Variants in BTN2A1 observed in about 807,000 individuals in gnomAD.
BTN2A1 encodes butyrophilin, subfamily 2, member A1.
In BTN2A1, 41 loss-of-function variants were observed where a neutral mutation model predicts 34.5. The ratio of observed to expected loss-of-function variants is 1.19; its 90% CI spans 0.93 to 1.54. BTN2A1 has a LOEUF of 1.54. Among genes scored for constraint, BTN2A1 ranks in the 40% most tolerant of loss-of-function variants. The pLI is 0.00. For synonymous variants in BTN2A1, 267 were observed against 258.6 expected (o/e 1.03, Z -0.31); for missense variants, 642 against 662.0 (o/e 0.97, Z 0.33).
chr6:26,465,490 A>G, intron 5 of BTN2A1, 84 bp downstream of exon 5: 1 of 1,290,794 alleles, frequency 7.7e-7, no homozygotes. Context: ...TGAGCCCTGG[A>G]GTTCGAGACC....
chr6:26,462,832 C>T, intron 3 of BTN2A1: 3 of 1,282,178 alleles, frequency 2.3e-6, no homozygotes, highest in Non-Finnish European at 3.1e-6. Context: ...AGAAGTCGTC[C>T]CAGAAGCAGA....
At chr6:26,475,910 A>T (rs1489670627) in intron 7 of BTN2A1, among the ~76,000 whole-genome samples, 1 of 152,196 alleles carries the variant, frequency 6.6e-6, no homozygotes, top group Non-Finnish European at 1.5e-5. Flanking sequence ...TTAAATTTAC[A>T]TGAATCCAGT....
chr6:26,460,493 T>C (rs2893856), intron 3 of BTN2A1, among the ~76,000 whole-genome samples: 133,494 of 152,256 alleles, frequency 0.88, 58,712 homozygotes, highest in African/African-American at 0.95. Flanking sequence ...CTACGAATTT[T>C]GCTGGGAGGT....
At chr6:26,472,323 CCT>C (rs1763466276), downstream of BTN2A1, among the ~76,000 whole-genome samples, 1 of 152,126 alleles carries the variant, frequency 6.6e-6, no homozygotes, top group Admixed American at 6.5e-5. Context: ...CTTGGCTTCC[CCT>C]GTCTACAAAT....
Position 26,459,692 on chromosome 6 carries a change from T to G in BTN2A1, c.294T>G (p.Phe98Leu), listed in dbSNP as rs1763108528. The G allele has an allele frequency of 6.2e-7, 1 of 1,614,000 alleles. No individual in the cohort carries two copies. The highest frequency in any genetic ancestry group is 8.5e-7 in the Non-Finnish European group (1 of 1,180,000). The change falls in exon 3 of 8, where the codon TTT (phenylalanine) becomes TTG (leucine). Residue 98 changes from phenylalanine to leucine, a missense_variant. Transcript: ENST00000312541. ...AGGAGTACCGAGGAAGAACCACCTTTGTGAGCAAAGACATCAGCAGGGGCA... is the reference window on the plus strand; with the variant it reads ...AGGAGTACCGAGGAAGAACCACCTTGGTGAGCAAAGACATCAGCAGGGGCA... ...QMEEYRGRTT[F>L]VSKDISRGSV...
In BTN2A1 at chr6:26,459,553, A is replaced by C. The variant is rs1239558513; in HGVS notation, c.155A>C (p.His52Pro). The C allele has an allele frequency of 3.2e-5, 52 of 1,613,902 alleles. No individual in the cohort carries two copies. In the East Asian group the frequency reaches 1.1e-3, roughly 35 times the overall value. The change falls in exon 3 of 8, where the codon CAT (histidine) becomes CCT (proline). Residue 52 changes from histidine to proline, a missense_variant. His to Pro is a moderately conservative substitution (Grantham distance 77). Coordinates refer to ENST00000312541, the MANE Select transcript of BTN2A1 (RefSeq NM_007049.5). ...GGAGAAAACACTACGTTACGCTGCC[A>C]TCTGTCACCCGAGAAAAATGCTGAG... ...TVGENTTLRCHLSPEKNAEDM... is the reference protein window; with the variant it reads ...TVGENTTLRCPLSPEKNAEDM...
rs72500818 is a variant in BTN2A1, at chr6:26,463,550, C to T, written c.712+25C>T. On this transcript the variant is annotated intron_variant, in intron 4 of 7. Coordinates refer to ENST00000312541, the MANE Select transcript of BTN2A1 (RefSeq NM_007049.5). The stretch of plus-strand genomic sequence containing the variant: ...GGTTAGTTCTCTGCCCTCTGAGACT[C>T]GTCGAGTGCATGGGGGATCCTCAGC... The T allele has an allele frequency of 6.7e-3, 10,721 of 1,601,878 alleles. 202 individuals are homozygous for T. Among genetic ancestry groups the T allele is most frequent in the South Asian group, 0.038 (3,413 of 89,354 alleles).
exon 8 of BTN2A1, chr6:26,476,208 G>C (rs1047235112): frequency 1.3e-6 from 2 of 1,519,264 alleles, no homozygotes; most frequent in African/African-American, 1.4e-5. Flanking sequence ...ATCTCCACTG[G>C]AGAGAAGACA....
At chr6:26,458,819 A>G in intron 2 of BTN2A1, 101 bp downstream of exon 2, 3 of 1,426,564 alleles carry the variant, frequency 2.1e-6, no homozygotes, top group Non-Finnish European at 3.0e-6. Flanking sequence ...TTGTTGACTT[A>G]CCCTTTCATT....
Position 26,465,961 on chromosome 6 carries a change from CAAG to C in BTN2A1, c.949_951del (p.Glu317del). On this transcript the variant is annotated inframe_deletion, in exon 6 of 8. Transcript: ENST00000312541. ...CTTTGTTTGTTTTTCAGAGAAACTTCAAGAAGAATTGCGTAAGTTTAGCCTTTC... is the reference window on the plus strand; with the variant it reads ...CTTTGTTTGTTTTTCAGAGAAACTTCAAGAATTGCGTAAGTTTAGCCTTTC... The C allele has an allele frequency of 6.2e-7, 1 of 1,614,204 alleles. No homozygotes were observed. Among genetic ancestry groups the C allele is most frequent in the Non-Finnish European group, 8.5e-7 (1 of 1,180,026 alleles).
downstream of BTN2A1, among the ~76,000 whole-genome samples, chr6:26,470,256 GAATCC>G (rs1389628766): frequency 6.6e-6 from 1 of 152,106 alleles, no homozygotes; most frequent in Non-Finnish European, 1.5e-5. Context: ...CTGAGACAGG[GAATCC>G]TTGAACCCCA....
In BTN2A1 at chr6:26,468,760, T is replaced by G. The variant is rs773497027; in HGVS notation, c.*211T>G. On this transcript the variant is annotated 3_prime_UTR_variant, in exon 8 of 8. Coordinates refer to ENST00000312541, the MANE Select transcript of BTN2A1 (RefSeq NM_007049.5). ...TTTTAGTAGTTCCTTTGCTTGTAAC[T>G]ATGGGATGGGATCCAGGCATAGGGA... 1.9e-6 allele frequency: 3 copies of G among 1,607,992 alleles called. No homozygotes were observed. The highest frequency in any genetic ancestry group is 2.5e-6 in the Non-Finnish European group (3 of 1,176,854).
Position 26,469,274 on chromosome 6 carries a change from G to T in BTN2A1, c.*725G>T. The T allele has an allele frequency of 2.0e-6, 2 of 995,366 alleles. No homozygotes were observed. The highest frequency in any genetic ancestry group is 1.1e-4 in the East Asian group (1 of 9,022). 61.7% of individuals were successfully genotyped at this position (995,366 alleles called of 1,614,324 possible). A position where few individuals can be genotyped will look rare whatever the true frequency, so the allele number is the denominator to read the frequency against. ...AGTGTGGCTGAAATTTGAGGTCCTGGCTGAGCCAAGGAGTAATGGACCAGA... is the reference window on the plus strand; with the variant it reads ...AGTGTGGCTGAAATTTGAGGTCCTGTCTGAGCCAAGGAGTAATGGACCAGA... On this transcript the variant is annotated 3_prime_UTR_variant, in exon 8 of 8. Transcript: ENST00000312541.
chr6:26,463,358 A>T lies in BTN2A1; in HGVS notation c.545A>T (p.Tyr182Phe). 1 of 1,613,984 alleles carries T rather than the reference A, an allele frequency of 6.2e-7. No homozygotes were observed. Among genetic ancestry groups the T allele is most frequent in the Non-Finnish European group, 8.5e-7 (1 of 1,179,974 alleles). ...PKPLTVWRDP[Y>F]GGVAPALKEV... ...CCCCTCACAGTGTGGAGGGACCCCT[A>T]CGGTGGGGTTGCGCCTGCCCTGAAA... The change falls in exon 4 of 8, where the codon TAC (tyrosine) becomes TTC (phenylalanine). Residue 182 changes from tyrosine to phenylalanine, a missense_variant. Physicochemically the swap from Tyr to Phe is conservative, Grantham distance 22. Coordinates refer to ENST00000312541, the MANE Select transcript of BTN2A1 (RefSeq NM_007049.5).
exon 8 of BTN2A1, chr6:26,476,469 C>G (rs964392399): frequency 1.7e-6 from 1 of 582,770 alleles, no homozygotes; most frequent in Admixed American, 2.3e-5. Flanking sequence ...GTCTCTCTCT[C>G]TGGCCTGCAG....
chr6:26,463,192 A>G (rs1453106206), intron 3 of BTN2A1, 52 bp from the exon 4 acceptor site: 1 of 1,519,060 alleles, frequency 6.6e-7, no homozygotes, highest in Non-Finnish European at 8.8e-7. Flanking sequence ...ATAGGCACAG[A>G]AGAGATGCAA....
chr6:26,465,984 C>T lies in BTN2A1; in HGVS notation c.955+11C>T, dbSNP rs1272057812. The T allele has an allele frequency of 6.2e-7, 1 of 1,614,228 alleles. No homozygotes were observed. Among genetic ancestry groups the T allele is most frequent in the South Asian group, 1.1e-5 (1 of 91,090 alleles). On this transcript the variant is annotated intron_variant, in intron 6 of 7. Coordinates refer to ENST00000312541, the MANE Select transcript of BTN2A1 (RefSeq NM_007049.5). Reference sequence around the variant, plus strand: ...TTCAAGAAGAATTGCGTAAGTTTAGCCTTTCCTTAACTACATGTACAATTT... The same window carrying T: ...TTCAAGAAGAATTGCGTAAGTTTAGTCTTTCCTTAACTACATGTACAATTT...
downstream of BTN2A1, among the ~76,000 whole-genome samples, chr6:26,472,093 GCTTAGTTCTGTCTTTATTTTCTTCTGT>G (rs1381324725): frequency 1.3e-5 from 2 of 152,144 alleles, no homozygotes; most frequent in East Asian, 3.9e-4. Flanking sequence ...ACATGCCCCA[GCTTAGTTCTGTCTTTATTTTCTTCTGT>G]CTTAGCATGT....
intron 7 of BTN2A1, among the ~76,000 whole-genome samples, chr6:26,466,821 T>C (rs1475115239): frequency 2.0e-5 from 3 of 152,190 alleles, no homozygotes; most frequent in Admixed American, 6.5e-5. Flanking sequence ...GCCAGACATA[T>C]TAACTTGGGG....
Sources: gnomAD v4.1 joint callset for allele counts (sites outside exome capture counted in the v4.1 genomes callset) on GRCh38, gnomAD v4.1.1 for gene constraint, MANE v1.5 for transcripts, NCBI Gene and HGNC (gene_info 2026-07-23, HGNC 2026-07-21) for gene names.